The following R3HDM1 variants were observed in gnomAD, a reference collection of about 807,000 sequenced individuals.
R3HDM1 encodes R3H domain containing 1.
A neutral mutation model predicts 141.1 loss-of-function variants in R3HDM1; 46 were observed. That is an observed-to-expected ratio of 0.33 (90% CI 0.26 to 0.42). R3HDM1 has a LOEUF of 0.42. Among genes scored for constraint, R3HDM1 ranks in the 10% least tolerant of loss-of-function variants. The probability of loss-of-function intolerance (pLI) is 1.00; values close to 1 mark genes in which losing one functional copy is unlikely to be tolerated. For synonymous variants in R3HDM1, 435 were observed against 472.9 expected (o/e 0.92, Z 1.04); for missense variants, 1,184 against 1,368.3 (o/e 0.87, Z 2.12).
chr2:135,669,433 A>G (rs2067999018), intron 19 of R3HDM1: 1 of 984,054 alleles, frequency 1.0e-6, no homozygotes. Context: ...GTTGATTGAC[A>G]TTATTTCCAG....
Position 135,605,038 on chromosome 2 carries a change from G to A in R3HDM1, c.171+22G>A, listed in dbSNP as rs760613891. 2.0e-6 allele frequency: 3 copies of A among 1,503,090 alleles called. No individual in the cohort carries two copies. In the Admixed American group the frequency reaches 5.4e-5, roughly 27 times the overall value. 93.1% of individuals were successfully genotyped at this position (1,503,090 alleles called of 1,614,324 possible). A position where few individuals can be genotyped will look rare whatever the true frequency, so the allele number is the denominator to read the frequency against. ...GCAGGTAAACAGGAATTTTTCTCTG[G>A]CTACAAATACTAAATATTCAGTATA... On this transcript the variant is annotated intron_variant, in intron 3 of 26. Coordinates refer to ENST00000683871, the MANE Select transcript of R3HDM1 (RefSeq NM_001378107.1).
intron 5 of R3HDM1, chr2:135,619,745 A>C (rs987356111): frequency 2.1e-6 from 2 of 967,436 alleles, no homozygotes; most frequent in Admixed American, 6.2e-5. Context: ...CTTGATTCAG[A>C]ATGTGATTTT....
At chr2:135,640,116 G>A (rs2063645548) in intron 14 of R3HDM1, among the ~76,000 whole-genome samples, 1 of 151,506 alleles carries the variant, frequency 6.6e-6, no homozygotes, top group African/African-American at 2.4e-5. Flanking sequence ...AAAAAAAAAG[G>A]AAAAGAAATG....
chr2:135,622,202 C>A (rs552121935), intron 6 of R3HDM1: 1 of 984,886 alleles, frequency 1.0e-6, no homozygotes, highest in Non-Finnish European at 1.2e-6. Flanking sequence ...AAATCAAATT[C>A]TTTCACAACT....
intron 1 of R3HDM1, among the ~76,000 whole-genome samples, chr2:135,574,638 T>C (rs1321149865): frequency 6.6e-6 from 1 of 152,214 alleles, no homozygotes; most frequent in East Asian, 1.9e-4. Context: ...CCATGTGAGA[T>C]TTATTTCAGG....
intron 21 of R3HDM1, among the ~76,000 whole-genome samples, chr2:135,697,331 AT>A (rs969349670): frequency 1.3e-5 from 2 of 152,224 alleles, no homozygotes; most frequent in African/African-American, 4.8e-5. Flanking sequence ...AAGGATTATT[AT>A]TTTTTAACTC....
chr2:135,569,409 G>T (rs1253010253), intron 1 of R3HDM1, among the ~76,000 whole-genome samples: 1 of 151,774 alleles, frequency 6.6e-6, no homozygotes, highest in Non-Finnish European at 1.5e-5. Flanking sequence ...CTTGAACCCG[G>T]GAGGCAGAGG....
intron 21 of R3HDM1, among the ~76,000 whole-genome samples, chr2:135,684,338 C>A (rs954174447): frequency 6.6e-6 from 1 of 152,158 alleles, no homozygotes; most frequent in Non-Finnish European, 1.5e-5. Context: ...ATCCGCCCAC[C>A]GTGGCCTCCC....
At chr2:135,622,587 G>A (rs2061617088) in intron 6 of R3HDM1, 67 bp from the exon 7 acceptor site, 1 of 1,497,942 alleles carries the variant, frequency 6.7e-7, no homozygotes, top group African/African-American at 1.4e-5. Context: ...TATACATCAT[G>A]TGTAAAAGGG....
chr2:135,540,997 C>CT (rs1228699686), intron 1 of R3HDM1, among the ~76,000 whole-genome samples: 2 of 151,988 alleles, frequency 1.3e-5, no homozygotes, highest in African/African-American at 4.8e-5. Flanking sequence ...TAAAAGGAGT[C>CT]TTTTTTTTCT....
chr2:135,625,422 G>A (rs1376415277), intron 7 of R3HDM1, among the ~76,000 whole-genome samples: 1 of 152,036 alleles, frequency 6.6e-6, no homozygotes, highest in Non-Finnish European at 1.5e-5. Context: ...TCCAGCCTGG[G>A]CAATAAGAGC....
At chr2:135,593,768 T>C (rs1709903721) in intron 1 of R3HDM1, among the ~76,000 whole-genome samples, 1 of 152,232 alleles carries the variant, frequency 6.6e-6, no homozygotes, top group South Asian at 2.1e-4. Flanking sequence ...TCACCCAGGC[T>C]GGAGTACACT....
intron 1 of R3HDM1, among the ~76,000 whole-genome samples, chr2:135,599,266 G>C (rs2059431715): frequency 6.6e-6 from 1 of 152,012 alleles, no homozygotes; most frequent in Non-Finnish European, 1.5e-5. Flanking sequence ...CTAATAAATA[G>C]CATGTTGACA....
At chr2:135,569,088 T>C (rs2104987712) in intron 1 of R3HDM1, among the ~76,000 whole-genome samples, 1 of 152,338 alleles carries the variant, frequency 6.6e-6, no homozygotes, top group Admixed American at 6.5e-5. Context: ...TTTAATATTC[T>C]GGAATACATA....
At chr2:135,605,445 T>C (rs2059967294) in intron 3 of R3HDM1, 1 of 155,748 alleles carries the variant, frequency 6.4e-6, no homozygotes, top group South Asian at 2.0e-4. Context: ...ACAAAAAAGA[T>C]TTGTGGGCCC....
At chr2:135,691,018 G>C (rs1358671132) in intron 21 of R3HDM1, among the ~76,000 whole-genome samples, 1 of 152,120 alleles carries the variant, frequency 6.6e-6, no homozygotes, top group Non-Finnish European at 1.5e-5. Context: ...ATGAGTTTCT[G>C]TTTTTGAAAA....
chr2:135,630,828 A>G lies in R3HDM1; in HGVS notation c.498-890A>G, dbSNP rs548633141. Among the ~76,000 whole-genome samples, 19 of 152,114 alleles carry G rather than the reference A, an allele frequency of 1.2e-4. No individual in the cohort carries two copies. The South Asian group carries it at 3.3e-3, about 27-fold the overall frequency. ...GTTACATTTTTTTTTTCACATGTAT[A>G]TGAAATTTCCAATTAGCACAGGAAA... On this transcript the variant is annotated intron_variant, in intron 7 of 26. Coordinates refer to ENST00000683871, the MANE Select transcript of R3HDM1 (RefSeq NM_001378107.1).
At chr2:135,598,860 CCTT>C (rs1464174607) in intron 1 of R3HDM1, among the ~76,000 whole-genome samples, 2 of 152,066 alleles carry the variant, frequency 1.3e-5, no homozygotes, top group Admixed American at 6.5e-5. Flanking sequence ...ATTTATAAGA[CCTT>C]CTTTGCTTTC....
chr2:135,551,152 T>G (rs745827241), intron 1 of R3HDM1, among the ~76,000 whole-genome samples: 19 of 152,154 alleles, frequency 1.2e-4, no homozygotes, highest in Non-Finnish European at 2.4e-4. Context: ...AGGCACAGAG[T>G]AGTGATTCCC....
Sources: gnomAD v4.1 joint callset for allele counts (sites outside exome capture counted in the v4.1 genomes callset) on GRCh38, gnomAD v4.1.1 for gene constraint, MANE v1.5 for transcripts, NCBI Gene and HGNC (gene_info 2026-07-23, HGNC 2026-07-21) for gene names.